The following LRMDA variants were observed in gnomAD, a reference collection of about 807,000 sequenced individuals.
LRMDA encodes leucine-rich melanocyte differentiation-associated protein.
LRMDA carries 18 observed loss-of-function variants against 29.8 expected under a neutral mutation model. That is an observed-to-expected ratio of 0.60 (90% CI 0.42 to 0.90). LRMDA has a LOEUF of 0.90. LRMDA is among the 40% of genes least tolerant of loss of function. The pLI, the probability that LRMDA is intolerant of heterozygous loss-of-function variation, is 0.00. For missense variants in LRMDA, 273 were observed against 273.9 expected, an observed-to-expected ratio of 1.00 and a Z score of 0.02; for synonymous variants, 125 against 109.4, an observed-to-expected ratio of 1.14 and a Z score of -0.89.
intron 6 of LRMDA, among the ~76,000 whole-genome samples, chr10:76,516,910 C>A (rs574551653): frequency 4.8e-4 from 73 of 152,086 alleles, no homozygotes; most frequent in Non-Finnish European, 9.0e-4. Flanking sequence ...TAACAAGTAA[C>A]CAGTTTGAAA....
intron 2 of LRMDA, among the ~76,000 whole-genome samples, chr10:75,802,038 G>A (rs771572581): frequency 7.2e-5 from 11 of 152,158 alleles, no homozygotes; most frequent in Non-Finnish European, 1.3e-4. Context: ...AACACATGAG[G>A]CTGAGCATGG....
At chr10:75,884,379 G>A (rs1845347003) in intron 2 of LRMDA, among the ~76,000 whole-genome samples, 1 of 151,788 alleles carries the variant, frequency 6.6e-6, no homozygotes, top group Non-Finnish European at 1.5e-5. Context: ...CATAGTCTAG[G>A]TAGGATCCAA....
chr10:76,417,189 T>G (rs1283249498), intron 6 of LRMDA, among the ~76,000 whole-genome samples: 1 of 152,222 alleles, frequency 6.6e-6, no homozygotes, highest in Non-Finnish European at 1.5e-5. Flanking sequence ...TTGATATATA[T>G]TTTTAAACTG....
At chr10:76,008,784 T>A in intron 2 of LRMDA, among the ~76,000 whole-genome samples, 1 of 152,368 alleles carries the variant, frequency 6.6e-6, no homozygotes, top group East Asian at 1.9e-4. Context: ...GCACTGCCCA[T>A]GTGAGCCTGT....
chr10:76,075,394 GGA>G (rs1848940866), intron 5 of LRMDA, among the ~76,000 whole-genome samples: 1 of 152,190 alleles, frequency 6.6e-6, no homozygotes, highest in East Asian at 1.9e-4. Flanking sequence ...TGCAAGCCAA[GGA>G]GAGAGGTCTC....
At chr10:75,532,802 G>A (rs1845493653) in intron 2 of LRMDA, among the ~76,000 whole-genome samples, 1 of 152,036 alleles carries the variant, frequency 6.6e-6, no homozygotes, top group Admixed American at 6.6e-5. Context: ...GAGTCCCTGG[G>A]GTGGGACTCA....
chr10:75,645,634 G>A (rs1185104194), intron 2 of LRMDA, among the ~76,000 whole-genome samples: 8 of 152,108 alleles, frequency 5.3e-5, no homozygotes, highest in Admixed American at 4.6e-4. Context: ...GAGTCCTGGT[G>A]GGGGAAACTT....
At chr10:76,112,506 C>G (rs9629893) in intron 5 of LRMDA, among the ~76,000 whole-genome samples, 27 of 152,318 alleles carry the variant, frequency 1.8e-4, no homozygotes, top group African/African-American at 6.0e-4. Flanking sequence ...GGGGGCGCTT[C>G]CACGCGGAGC....
At chr10:76,084,364 A>ATTTTTTTTTT (rs71024586) in intron 5 of LRMDA, among the ~76,000 whole-genome samples, 9 of 70,928 alleles carry the variant, frequency 1.3e-4, no homozygotes, top group Admixed American at 1.8e-4. Flanking sequence ...CGCCCAGCTA[A>ATTTTTTTTTT]TTTTTTTTTT....
At chr10:76,553,273 A>G (rs1843516542) in intron 6 of LRMDA, among the ~76,000 whole-genome samples, 1 of 152,232 alleles carries the variant, frequency 6.6e-6, no homozygotes, top group Admixed American at 6.5e-5. Flanking sequence ...AATTAAAAAC[A>G]CTGCATATGC....
At chr10:76,296,483 A>G (rs1840413694) in intron 5 of LRMDA, among the ~76,000 whole-genome samples, 1 of 152,214 alleles carries the variant, frequency 6.6e-6, no homozygotes, top group Admixed American at 6.5e-5. Context: ...CACCAAACCC[A>G]ACTATTTAAT....
At chr10:76,410,760 C>A (rs960106416) in intron 6 of LRMDA, among the ~76,000 whole-genome samples, 1 of 152,046 alleles carries the variant, frequency 6.6e-6, no homozygotes, top group Non-Finnish European at 1.5e-5. Context: ...TTGAGACCAG[C>A]CTGGCCAACA....
At chr10:75,677,342 G>T (rs1230508994) in intron 2 of LRMDA, among the ~76,000 whole-genome samples, 1 of 151,852 alleles carries the variant, frequency 6.6e-6, no homozygotes, top group Non-Finnish European at 1.5e-5. Flanking sequence ...GAAGAAGTTG[G>T]GGAGAGAATT....
intron 5 of LRMDA, among the ~76,000 whole-genome samples, chr10:76,188,547 A>G (rs1393746602): frequency 6.6e-6 from 1 of 152,224 alleles, no homozygotes; most frequent in Non-Finnish European, 1.5e-5. Flanking sequence ...TTTGTATCCC[A>G]GATGGTGGAA....
In LRMDA at chr10:75,601,503, C is replaced by T. The variant is rs993927797; in HGVS notation, c.131+163009C>T. Among the ~76,000 whole-genome samples, 4 of 152,080 alleles carry T rather than the reference C, an allele frequency of 2.6e-5. No homozygotes were observed. The East Asian group carries it at 7.7e-4, about 29-fold the overall frequency. ...TGTGTGGTTCTAGTACCTGCCTTCCCCAGGGAAAAGAGTTTTTGTTTTGTT... is the reference window on the plus strand; with the variant it reads ...TGTGTGGTTCTAGTACCTGCCTTCCTCAGGGAAAAGAGTTTTTGTTTTGTT... On this transcript the variant is annotated intron_variant, in intron 2 of 6. Transcript: ENST00000611255.
chr10:76,366,304 T>A (rs1021867102), intron 6 of LRMDA, among the ~76,000 whole-genome samples: 5 of 152,164 alleles, frequency 3.3e-5, no homozygotes, highest in Non-Finnish European at 7.4e-5. Context: ...TGATGGGGAT[T>A]GTGTTGAATT....
intron 2 of LRMDA, among the ~76,000 whole-genome samples, chr10:75,954,494 G>A (rs1564615844): frequency 1.3e-5 from 2 of 152,216 alleles, no homozygotes; most frequent in African/African-American, 2.4e-5. Context: ...AAATGGGGGT[G>A]CATCTTTCCA....
chr10:76,387,218 A>G (rs1402637760), intron 6 of LRMDA, among the ~76,000 whole-genome samples: 1 of 152,226 alleles, frequency 6.6e-6, no homozygotes, highest in Non-Finnish European at 1.5e-5. Flanking sequence ...TGTATATAAA[A>G]GACTGAAAGT....
chr10:76,307,773 C>T (rs1840576593), intron 5 of LRMDA, among the ~76,000 whole-genome samples: 1 of 152,136 alleles, frequency 6.6e-6, no homozygotes, highest in Non-Finnish European at 1.5e-5. Flanking sequence ...TGGGAGGCCA[C>T]CACGTGGAGA....
Sources: allele counts gnomAD v4.1 joint callset (sites outside exome capture counted in the v4.1 genomes callset), GRCh38; gene constraint gnomAD v4.1.1; transcripts MANE v1.5; gene names NCBI Gene and HGNC (gene_info 2026-07-23, HGNC 2026-07-21).